The following ASXL2 variants were observed in gnomAD, a reference collection of about 807,000 sequenced individuals.
ASXL2 encodes putative Polycomb group protein ASXL2.
In ASXL2, 23 loss-of-function variants were observed where a neutral mutation model predicts 122.0. The ratio of observed to expected loss-of-function variants is 0.19; its 90% confidence interval spans 0.14 to 0.27. The LOEUF (loss-of-function observed/expected upper bound fraction) is 0.27, where lower values mean the gene tolerates loss of function less well. Among genes scored for constraint, ASXL2 ranks in the 10% least tolerant of loss-of-function variants. ASXL2 has a pLI of 1.00. For missense variants in ASXL2, 1,518 were observed against 1,713.8 expected (o/e 0.89, Z 2.02); for synonymous variants, 650 against 637.0 (o/e 1.02, Z -0.31).
intron 5 of ASXL2, among the ~76,000 whole-genome samples, chr2:25,773,967 T>C (rs12105641): frequency 1.6e-3 from 242 of 151,800 alleles, no homozygotes; most frequent in African/African-American, 5.6e-3. Flanking sequence ...GAGGCGGAGG[T>C]TGCAGTAAGC....
At chr2:25,843,262 G>A (rs959628966) in intron 2 of ASXL2, among the ~76,000 whole-genome samples, 12 of 146,698 alleles carry the variant, frequency 8.2e-5, no homozygotes, top group African/African-American at 2.5e-5. Flanking sequence ...AGATGGAACC[G>A]CTGCACTCCA....
In ASXL2 at chr2:25,765,434, C is replaced by T. The variant is rs1014523840; in HGVS notation, c.775+2149G>A. ...ACGGGAGGCAGAGCTTGCAGTGAGCCGAGATCGGGCCACTGCACTCCCTGG... is the reference window on the plus strand; with the variant it reads ...ACGGGAGGCAGAGCTTGCAGTGAGCTGAGATCGGGCCACTGCACTCCCTGG... On this transcript the variant is annotated intron_variant, in intron 8 of 12. Transcript: ENST00000435504. Among the ~76,000 whole-genome samples the T allele has an allele frequency of 5.3e-4, 80 of 151,478 alleles. 1 individual carries two copies. Among genetic ancestry groups the T allele is most frequent in the African/African-American group, 1.8e-3 (73 of 41,268 alleles).
At chr2:25,776,777 G>A (rs1164682627) in intron 5 of ASXL2, among the ~76,000 whole-genome samples, 1 of 151,876 alleles carries the variant, frequency 6.6e-6, no homozygotes, top group Non-Finnish European at 1.5e-5. Context: ...ACATTTCCTC[G>A]CCTACCCCAA....
chr2:25,807,458 G>A (rs963696239), intron 3 of ASXL2, among the ~76,000 whole-genome samples: 6 of 152,300 alleles, frequency 3.9e-5, no homozygotes, highest in African/African-American at 1.2e-4. Flanking sequence ...AAAGCCTTTT[G>A]CAGAAGAAAC....
chr2:25,744,108 A>G lies in ASXL2; in HGVS notation c.2229T>C (p.Leu743=). The G allele has an allele frequency of 6.2e-7, 1 of 1,613,714 alleles. No homozygotes were observed. Among genetic ancestry groups the G allele is most frequent in the Non-Finnish European group, 8.5e-7 (1 of 1,179,806 alleles). ...GTGSRGGTRE[L]LPCGPETQPQ... ...GCTGAGTCTCTGGACCACAGGGTAA[A>G]AGCTCTCTCGTACCTCCCCTGCTTC... Residue 743 remains leucine (L), a synonymous_variant, in exon 13 of 13, where the codon CTT becomes CTC. Transcript: ENST00000435504. The surrounding 1 kb of genome is among the most constrained non-coding windows in gnomAD (Gnocchi z 4.7).
At chr2:25,806,474 C>G in intron 3 of ASXL2, 137 bp from the exon 4 acceptor site, 1 of 526,054 alleles carries the variant, frequency 1.9e-6, no homozygotes, top group Non-Finnish European at 3.3e-6. Context: ...TATAAGAAGT[C>G]TACCAATATA....
chr2:25,734,055 G>T lies in ASXL2; in HGVS notation c.*7974C>A, dbSNP rs2087691144. ...CAATGCAGTCACAGAATTAAGACAG[G>T]TTTTTTTTTTTTAAAAAAAATAGGT... On this transcript the variant is annotated 3_prime_UTR_variant, in exon 13 of 13. Transcript: ENST00000435504. 4 of 134,474 alleles carry T rather than the reference G, an allele frequency of 3.0e-5. No homozygotes were observed. The highest frequency in any genetic ancestry group is 7.4e-5 in the Admixed American group (1 of 13,576). 8.3% of individuals were successfully genotyped at this position (134,474 alleles called of 1,614,324 possible). A position where few individuals can be genotyped will look rare whatever the true frequency, so the allele number is the denominator to read the frequency against.
chr2:25,829,661 C>T (rs918079255), intron 3 of ASXL2, among the ~76,000 whole-genome samples: 2 of 152,188 alleles, frequency 1.3e-5, no homozygotes, highest in Admixed American at 1.3e-4. Flanking sequence ...TTACCAATTC[C>T]TGGCATTTCC....
intron 10 of ASXL2, among the ~76,000 whole-genome samples, 187 bp downstream of exon 10, chr2:25,755,831 G>A (rs1366244377): frequency 7.9e-5 from 12 of 152,350 alleles, no homozygotes; most frequent in African/African-American, 2.4e-4. Context: ...TAGATTCCAT[G>A]TGGTGTTAAC....
Position 25,743,195 on chromosome 2 carries a change from T to C in ASXL2, c.3142A>G (p.Ser1048Gly), listed in dbSNP as rs2149136621. 1 of 1,614,020 alleles carries C rather than the reference T, an allele frequency of 6.2e-7. No homozygotes were observed. The highest frequency in any genetic ancestry group is 1.1e-5 in the South Asian group (1 of 91,084). ...LFSAKELRDS[S>G]IDTHQYHEGL... ...TCGTGGTATTGGTGTGTGTCAATGC[T>C]GGAGTCCCTCAGCTCCTTAGCTGAA... is the stretch of plus-strand genomic sequence containing the variant. Residue 1048 changes from serine (S) to glycine (G), a missense_variant, in exon 13 of 13, where the codon AGC becomes GGC. Physicochemically the swap from Ser to Gly is moderately conservative, Grantham distance 56. Coordinates refer to ENST00000435504, the MANE Select transcript of ASXL2 (RefSeq NM_018263.6).
At chr2:25,833,178 G>A (rs565453600) in intron 3 of ASXL2, among the ~76,000 whole-genome samples, 4 of 152,166 alleles carry the variant, frequency 2.6e-5, no homozygotes, top group Non-Finnish European at 5.9e-5. Flanking sequence ...ACACACCCCG[G>A]TACCAGTAAA....
chr2:25,800,547 A>G (rs527429803), intron 4 of ASXL2, among the ~76,000 whole-genome samples: 3 of 152,362 alleles, frequency 2.0e-5, no homozygotes, highest in Non-Finnish European at 4.4e-5. Flanking sequence ...TTAACAAATC[A>G]TATGAAACTC....
chr2:25,760,522 A>C (rs2088223815), intron 8 of ASXL2, among the ~76,000 whole-genome samples: 1 of 152,240 alleles, frequency 6.6e-6, no homozygotes, highest in South Asian at 2.1e-4. Flanking sequence ...GAATCAGCAT[A>C]ATCTTAGAAA....
chr2:25,812,003 T>G (rs1387046090), intron 3 of ASXL2, among the ~76,000 whole-genome samples: 1 of 152,042 alleles, frequency 6.6e-6, no homozygotes, highest in Non-Finnish European at 1.5e-5. Flanking sequence ...TCCACACGCA[T>G]CAGCCTCCCA....
At chr2:25,774,105 T>A (rs1273427192) in intron 5 of ASXL2, among the ~76,000 whole-genome samples, 1 of 151,848 alleles carries the variant, frequency 6.6e-6, no homozygotes, top group Admixed American at 6.6e-5. Context: ...TGAGGCCTAC[T>A]TGAGGGTGGA....
At position 25,741,828 on chromosome 2, in the gene ASXL2, T is replaced by G; in HGVS notation, c.*201A>C. On this transcript the variant is annotated 3_prime_UTR_variant, in exon 13 of 13. Coordinates refer to ENST00000435504, the MANE Select transcript of ASXL2 (RefSeq NM_018263.6). ...TTGTCACAAATTCACAAAGTCTTGC[T>G]TGACTTAGACTTACTATACAAGGTG... The G allele has an allele frequency of 5.7e-6, 3 of 526,768 alleles. No individual in the cohort carries two copies. 32.6% of individuals were successfully genotyped at this position (526,768 alleles called of 1,614,324 possible).
chr2:25,862,172 A>T (rs1384575008), intron 1 of ASXL2, among the ~76,000 whole-genome samples: 3 of 152,242 alleles, frequency 2.0e-5, no homozygotes, highest in Non-Finnish European at 4.4e-5. Context: ...ACCAAGTTTC[A>T]CAAACACTAA....
chr2:25,742,319 C>T lies in ASXL2; in HGVS notation c.4018G>A (p.Asp1340Asn). ...MINVSTSSDM[D>N]HNSAVPGSQV... ...CTACCTGGTACAGCAGAGTTATGGT[C>T]CATGTCAGATGAGGTGGAGACATTG... The change falls in exon 13 of 13, where the codon GAC becomes AAC. Residue 1340 changes from aspartate (D) to asparagine (N), a missense_variant. Asp to Asn is a conservative substitution (Grantham distance 23). Coordinates refer to ENST00000435504, the MANE Select transcript of ASXL2 (RefSeq NM_018263.6). 3.1e-6 allele frequency: 5 copies of T among 1,613,430 alleles called. No individual in the cohort carries two copies. The highest frequency in any genetic ancestry group is 4.2e-6 in the Non-Finnish European group (5 of 1,179,814).
intron 1 of ASXL2, among the ~76,000 whole-genome samples, chr2:25,850,686 T>C (rs1374857133): frequency 1.3e-5 from 2 of 152,344 alleles, no homozygotes; most frequent in Admixed American, 6.5e-5. Context: ...AGCATTTCAA[T>C]CTAATTGTTT....
Sources: allele counts gnomAD v4.1 joint callset (sites outside exome capture counted in the v4.1 genomes callset), GRCh38; gene constraint gnomAD v4.1.1; non-coding constraint Gnocchi (gnomAD v3.1); transcripts MANE v1.5; gene names NCBI Gene and HGNC (gene_info 2026-07-23, HGNC 2026-07-21).